Variants in CLEC2A observed in about 807,000 individuals in gnomAD.
CLEC2A encodes the protein C-type lectin domain family 2 member A, also known as keratinocyte-associated C-type lectin.
In CLEC2A, 19 loss-of-function variants were observed where a neutral mutation model predicts 18.6. That is an observed-to-expected ratio of 1.02 (90% confidence interval 0.71 to 1.50). CLEC2A has a LOEUF of 1.50. Among genes scored for constraint, CLEC2A ranks in the 40% most tolerant of loss-of-function variants. CLEC2A has a pLI of 0.00. For synonymous variants in CLEC2A, 74 were observed against 64.0 expected, an observed-to-expected ratio of 1.16 and a Z score of -0.75; for missense variants, 190 against 207.9, an observed-to-expected ratio of 0.91 and a Z score of 0.53.
At chr12:9,885,328 T>G in the CLEC2A span, among the ~76,000 whole-genome samples, 1 of 62,052 alleles carries the variant, frequency 1.6e-5, no homozygotes, top group Non-Finnish European at 3.2e-5. Context: ...GAGATCATTA[T>G]TTAAGTATAT....
In CLEC2A at chr12:9,926,304, C is replaced by A. The variant is rs1164885958; in HGVS notation, c.95G>T (p.Cys32Phe). The change falls in exon 2 of 5, where the codon TGC becomes TTC. Residue 32 changes from cysteine (C) to phenylalanine (F), a missense_variant. By Grantham distance (205) the Cys-to-Phe change is radical. Coordinates refer to ENST00000455827, the MANE Select transcript of CLEC2A (RefSeq NM_001130711.2). Reference sequence around the variant, plus strand: ...TGTAGTAATAATAATACTCAGGAAGCACATAAGGCCAATCTTCCAGTTTTG... The same window carrying A: ...TGTAGTAATAATAATACTCAGGAAGAACATAAGGCCAATCTTCCAGTTTTG... ...LIQNWKIGLM[C>F]FLSIIITTVC... The A allele has an allele frequency of 6.5e-7, 1 of 1,549,688 alleles. No homozygotes were observed. Among genetic ancestry groups the A allele is most frequent in the African/African-American group, 1.4e-5 (1 of 72,932 alleles).
chr12:9,930,836 T>C (rs1349339972), intron 1 of CLEC2A, among the ~76,000 whole-genome samples: 2 of 152,100 alleles, frequency 1.3e-5, no homozygotes, highest in Admixed American at 1.3e-4. Flanking sequence ...TTTCTAACTG[T>C]TTTCTTTTCT....
At chr12:9,903,470 T>C (rs181660077) in intron 4 of CLEC2A, among the ~76,000 whole-genome samples, 31 of 152,380 alleles carry the variant, frequency 2.0e-4, no homozygotes, top group African/African-American at 7.0e-4. Context: ...CATTTATTCC[T>C]GAATTCTTAG....
the CLEC2A span, among the ~76,000 whole-genome samples, chr12:9,883,752 T>C: frequency 6.6e-6 from 1 of 152,172 alleles, no homozygotes; most frequent in Non-Finnish European, 1.5e-5. Context: ...GTAGCAAATT[T>C]CAAAAGGTAC....
chr12:9,893,507 A>T, the CLEC2A span: 1 of 1,513,602 alleles, frequency 6.6e-7, no homozygotes, highest in Middle Eastern at 1.7e-4. Flanking sequence ...GAACCTATGG[A>T]TGTGGATAGA....
the CLEC2A span, among the ~76,000 whole-genome samples, chr12:9,891,810 G>A: frequency 5.3e-5 from 8 of 152,028 alleles, no homozygotes; most frequent in African/African-American, 1.9e-4. Flanking sequence ...ACTTGCTCAG[G>A]TTACTTTTTT....
At chr12:9,901,942 C>G (rs895634395) in intron 4 of CLEC2A, among the ~76,000 whole-genome samples, 1 of 152,120 alleles carries the variant, frequency 6.6e-6, no homozygotes, top group African/African-American at 2.4e-5. Context: ...CCAATATGTT[C>G]ACAAAGAGAA....
At chr12:9,885,668 G>A in the CLEC2A span, among the ~76,000 whole-genome samples, 1 of 151,840 alleles carries the variant, frequency 6.6e-6, no homozygotes, top group Non-Finnish European at 1.5e-5. Flanking sequence ...GGGCAATTTT[G>A]TGTTTTTCCC....
intron 1 of CLEC2A, among the ~76,000 whole-genome samples, chr12:9,927,659 T>C (rs1289272112): frequency 6.6e-6 from 1 of 152,214 alleles, no homozygotes; most frequent in Non-Finnish European, 1.5e-5. Context: ...AAAAAGTTAC[T>C]AGTTTTCATG....
intron 4 of CLEC2A, among the ~76,000 whole-genome samples, chr12:9,916,088 A>T (rs1050078851): frequency 6.6e-6 from 1 of 151,812 alleles, no homozygotes; most frequent in Non-Finnish European, 1.5e-5. Context: ...AAAAATTAAA[A>T]AAATAAATAT....
At chr12:9,880,641 G>C in the CLEC2A span, among the ~76,000 whole-genome samples, 8 of 152,104 alleles carry the variant, frequency 5.3e-5, no homozygotes, top group African/African-American at 1.9e-4. Flanking sequence ...TGGGTACCTA[G>C]GAAGGCTCAA....
chr12:9,909,464 C>A (rs1275534253), downstream of CLEC2A, among the ~76,000 whole-genome samples: 1 of 152,194 alleles, frequency 6.6e-6, no homozygotes, highest in African/African-American at 2.4e-5. Flanking sequence ...ATTAACTCAG[C>A]CCAAGTATAT....
At chr12:9,906,599 T>G (rs963385783) in intron 4 of CLEC2A, among the ~76,000 whole-genome samples, 1 of 152,142 alleles carries the variant, frequency 6.6e-6, no homozygotes, top group African/African-American at 2.4e-5. Flanking sequence ...CCCTTCCTGG[T>G]TTTGCAAGCA....
At chr12:9,879,018 C>T in the CLEC2A span, among the ~76,000 whole-genome samples, 6 of 152,002 alleles carry the variant, frequency 3.9e-5, no homozygotes, top group South Asian at 2.1e-4. Context: ...CTGATATCAA[C>T]GGCAATAATT....
At chr12:9,909,363 A>G (rs113855860), downstream of CLEC2A, among the ~76,000 whole-genome samples, 227 of 152,270 alleles carry the variant, frequency 1.5e-3, no homozygotes, top group African/African-American at 5.3e-3. Context: ...GAAACGTTTT[A>G]ACTGGGGGGT....
chr12:9,879,194 C>A, the CLEC2A span, among the ~76,000 whole-genome samples: 1 of 152,060 alleles, frequency 6.6e-6, no homozygotes, highest in Admixed American at 6.6e-5. Context: ...AAGGATATTT[C>A]ACTAAGGAGC....
intron 4 of CLEC2A, 103 bp downstream of exon 4, chr12:9,916,597 G>T: frequency 1.2e-6 from 1 of 807,266 alleles, no homozygotes; most frequent in Non-Finnish European, 2.0e-6. Flanking sequence ...AATTCCACAT[G>T]GAAAACAGAA....
At chr12:9,886,375 A>C in the CLEC2A span, among the ~76,000 whole-genome samples, 4 of 152,334 alleles carry the variant, frequency 2.6e-5, no homozygotes, top group African/African-American at 7.2e-5. Flanking sequence ...TAAATTAATC[A>C]AAGCACATAG....
chr12:9,905,060 T>A (rs951091405), intron 4 of CLEC2A, among the ~76,000 whole-genome samples: 2 of 152,128 alleles, frequency 1.3e-5, no homozygotes, highest in Admixed American at 6.5e-5. Flanking sequence ...GGTTAAGGGA[T>A]GATTAGTTTG....
Sources: gnomAD v4.1 joint callset for allele counts (sites outside exome capture counted in the v4.1 genomes callset) on GRCh38, gnomAD v4.1.1 for gene constraint, MANE v1.5 for transcripts, NCBI Gene and HGNC (gene_info 2026-07-23, HGNC 2026-07-21) for gene names.